The following PBX2 variants were observed in gnomAD, a reference collection of about 807,000 sequenced individuals.
PBX2 encodes pre-B-cell leukemia transcription factor 2.
A neutral mutation model predicts 46.5 loss-of-function variants in PBX2; 10 were observed. The ratio of observed to expected loss-of-function variants is 0.21; its 90% CI spans 0.13 to 0.36. The LOEUF is 0.36. Among genes scored for constraint, PBX2 ranks in the 10% least tolerant of loss-of-function variants. The pLI is 1.00. For missense variants in PBX2, 392 were observed against 580.5 expected, an observed-to-expected ratio of 0.68 and a Z score of 3.34; for synonymous variants, 160 against 222.5, an observed-to-expected ratio of 0.72 and a Z score of 2.50.
In PBX2 at chr6:32,186,750, T is replaced by C; in HGVS notation, c.1114-60A>G. On this transcript the variant is annotated intron_variant, in intron 7 of 8. Transcript: ENST00000375050. This position sits in a 1 kb window ranked among gnomAD's most constrained non-coding sequence, Gnocchi z 4.2. ...GAAGCCTCAGAGGAAAGAGGTCTTG[T>C]ATCCTAAAGTAGAGGAAATGGAGTT... is the stretch of plus-strand genomic sequence containing the variant. 6.3e-7 allele frequency: 1 copy of C among 1,595,216 alleles called. No homozygotes were observed. The highest frequency in any genetic ancestry group is 8.6e-7 in the Non-Finnish European group (1 of 1,162,796).
rs748838264 is a variant in PBX2 at position 32,186,421 on chromosome 6, C to T, written c.1254G>A (p.Thr418=). ...AVTPSSVTSP[T]EGPGSVHSDT... The stretch of plus-strand genomic sequence containing the variant: ...CAGAGTGAACACTCCCTGGTCCCTC[C>T]GTTGGGGATGTCACTGAAGAGGGGG... The change falls in exon 9 of 9, where the codon ACG becomes ACA. Residue 418 remains threonine (T), a synonymous_variant. Transcript: ENST00000375050. This position sits in a 1 kb window ranked among gnomAD's most constrained non-coding sequence, Gnocchi z 4.2. 362 of 1,612,724 alleles carry T rather than the reference C, an allele frequency of 2.2e-4. 1 individual carries two copies. Among genetic ancestry groups the T allele is most frequent in the South Asian group, 5.5e-5 (5 of 91,078 alleles).
At position 32,187,097 on chromosome 6, in the gene PBX2, T is replaced by A. The variant is rs1182095123; in HGVS notation, c.1024+145A>T. On this transcript the variant is annotated intron_variant, in intron 6 of 8. Transcript: ENST00000375050. This position sits in a 1 kb window ranked among gnomAD's most constrained non-coding sequence, Gnocchi z 7.7. ...GAACTAAGATCACTGGAATGGCCTC[T>A]GTCCCCTGACATCTCCAGCCTATCT... The A allele has an allele frequency of 1.3e-5, 15 of 1,135,398 alleles. No individual in the cohort carries two copies. Among genetic ancestry groups the A allele is most frequent in the Non-Finnish European group, 1.8e-5 (14 of 791,544 alleles). The allele number at this position is 1,135,398 out of a possible 1,614,324, so 70.3% of individuals were successfully genotyped here.
Position 32,188,807 on chromosome 6 carries a change from G to A in PBX2, c.222-11C>T, listed in dbSNP as rs764808791. 1.9e-6 allele frequency: 3 copies of A among 1,612,354 alleles called. No individual in the cohort carries two copies. Among genetic ancestry groups the A allele is most frequent in the South Asian group, 2.2e-5 (2 of 91,066 alleles). On this transcript the variant is annotated splice_polypyrimidine_tract_variant and intron_variant, in intron 1 of 8. Coordinates refer to ENST00000375050, the MANE Select transcript of PBX2 (RefSeq NM_002586.5). This position sits in a 1 kb window ranked among gnomAD's most constrained non-coding sequence, Gnocchi z 6.5. ...TTTAGGGCGTGTTTCCTTGGGAGGA[G>A]TGGGAGTGGGGAAAGAGAAAAGTTG...
In PBX2 at chr6:32,185,387, G is replaced by A. The variant is rs1479189282; in HGVS notation, c.*995C>T. Reference sequence around the variant, plus strand: ...AAAGAACACCTAAGGGATTTTAGGGGGCAAAGCTTGGTGCCCTGTAAAATT... The same window carrying A: ...AAAGAACACCTAAGGGATTTTAGGGAGCAAAGCTTGGTGCCCTGTAAAATT... On this transcript the variant is annotated 3_prime_UTR_variant, in exon 9 of 9. Coordinates refer to ENST00000375050, the MANE Select transcript of PBX2 (RefSeq NM_002586.5). 6.6e-6 allele frequency: 1 copy of A among 152,084 alleles called. No homozygotes were observed. Among genetic ancestry groups the A allele is most frequent in the African/African-American group, 2.4e-5 (1 of 41,390 alleles). The allele number at this position is 152,084 out of a possible 1,614,324, so 9.4% of individuals were successfully genotyped here.
At position 32,188,468 on chromosome 6, in the gene PBX2, A is replaced by G; in HGVS notation, c.332T>C (p.Val111Ala). 1 of 1,613,964 alleles carries G rather than the reference A, an allele frequency of 6.2e-7. No homozygotes were observed. The highest frequency in any genetic ancestry group is 8.5e-7 in the Non-Finnish European group (1 of 1,179,988). Residue 111 changes from valine (V) to alanine (A), a missense_variant, in exon 3 of 9, where the codon GTG becomes GCG. Val to Ala is a moderately conservative substitution (Grantham distance 64). Coordinates refer to ENST00000375050, the MANE Select transcript of PBX2 (RefSeq NM_002586.5). The surrounding 1 kb of genome is among the most constrained non-coding windows in gnomAD (Gnocchi z 6.5). ...GTCCAAGCGCATCAGCTGTGGGTCC[A>G]CCGGCTCCTCCTCCTGGGAGCTCCG... The part of the protein sequence containing the change: ...SIRSSQEEEP[V>A]DPQLMRLDNM...
Position 32,187,102 on chromosome 6 carries a change from CCT to C in PBX2, c.1024+138_1024+139del, listed in dbSNP as rs1371092935. ...AAGATCACTGGAATGGCCTCTGTCC[CCT>C]GACATCTCCAGCCTATCTCAGCTCG... On this transcript the variant is annotated intron_variant, in intron 6 of 8. Transcript: ENST00000375050. The surrounding 1 kb of genome is among the most constrained non-coding windows in gnomAD (Gnocchi z 7.7). The C allele has an allele frequency of 8.5e-6, 10 of 1,171,112 alleles. No individual in the cohort carries two copies. The highest frequency in any genetic ancestry group is 1.2e-5 in the Non-Finnish European group (10 of 822,686). 72.5% of individuals were successfully genotyped at this position (1,171,112 alleles called of 1,614,324 possible). A position where few individuals can be genotyped will look rare whatever the true frequency, so the allele number is the denominator to read the frequency against.
At position 32,186,862 on chromosome 6, in the gene PBX2, A is replaced by G. The variant is rs138507194; in HGVS notation, c.1064T>C (p.Met355Thr). 576 of 1,614,004 alleles carry G rather than the reference A, an allele frequency of 3.6e-4. 1 individual carries two copies. Among genetic ancestry groups the G allele is most frequent in the Non-Finnish European group, 4.7e-4 (558 of 1,180,042 alleles). The change falls in exon 7 of 9, where the codon ATG (methionine) becomes ACG (threonine). Residue 355 changes from methionine to threonine, a missense_variant. Met to Thr is a moderately conservative substitution (Grantham distance 81). This residue lies in a region of PBX2 where 116 missense variants were observed against 157.9 expected (regional missense o/e 0.73). Coordinates refer to ENST00000375050, the MANE Select transcript of PBX2 (RefSeq NM_002586.5). The surrounding 1 kb of genome is among the most constrained non-coding windows in gnomAD (Gnocchi z 4.2). ...GTTGAGCCCAGGCATCCCCAGAAAC[A>G]TGTCTCCAGATCCTGAGAGATTGAA... is the stretch of plus-strand genomic sequence containing the variant. ...GSFNLSGSGD[M>T]FLGMPGLNGD...
rs192043106 is a variant in PBX2, at chr6:32,189,417, C to T, written c.221+278G>A. ...CTTAGTCTGGGAGCCAGAGGGGGCT[C>T]CCGGGGATGGGGCTGTTCCAGGAGA... On this transcript the variant is annotated intron_variant, in intron 1 of 8. Coordinates refer to ENST00000375050, the MANE Select transcript of PBX2 (RefSeq NM_002586.5). The surrounding 1 kb of genome is among the most constrained non-coding windows in gnomAD (Gnocchi z 4.7). Among the ~76,000 whole-genome samples, 27 of 152,034 alleles carry T rather than the reference C, an allele frequency of 1.8e-4. No individual in the cohort carries two copies. Among genetic ancestry groups the T allele is most frequent in the African/African-American group, 6.5e-4 (27 of 41,452 alleles).
chr6:32,188,790 G>A lies in PBX2; in HGVS notation c.228C>T (p.His76=), dbSNP rs759159972. Reference sequence around the variant, plus strand: ...GCTTCATTCGGTGGCAGTTTAGGGCGTGTTTCCTTGGGAGGAGTGGGAGTG... The same window carrying A: ...GCTTCATTCGGTGGCAGTTTAGGGCATGTTTCCTTGGGAGGAGTGGGAGTG... The part of the protein sequence containing the change: ...QSLDEAQAKK[H]ALNCHRMKPA... The change falls in exon 2 of 9, where the codon CAC becomes CAT. Residue 76 remains histidine, a synonymous_variant. Transcript: ENST00000375050. The surrounding 1 kb of genome is among the most constrained non-coding windows in gnomAD (Gnocchi z 6.5). 3 of 1,612,850 alleles carry A rather than the reference G, an allele frequency of 1.9e-6. No individual in the cohort carries two copies. The highest frequency in any genetic ancestry group is 2.2e-5 in the South Asian group (2 of 91,082).
At position 32,187,989 on chromosome 6, in the gene PBX2, C is replaced by G; in HGVS notation, c.711G>C (p.Leu237=). The G allele has an allele frequency of 1.9e-6, 3 of 1,570,160 alleles. No individual in the cohort carries two copies. Among genetic ancestry groups the G allele is most frequent in the Non-Finnish European group, 2.6e-6 (3 of 1,155,914 alleles). ...KQSTCEAVMI[L]RSRFLDARRK... is the part of the protein sequence containing the mutation. ...ACCTGGCATCCAGGAAACGGGAGCG[C>G]AGGATCATCACAGCCTCGCAGGTGC... The change falls in exon 4 of 9, where the codon CTG becomes CTC. Residue 237 remains leucine, a synonymous_variant. Transcript: ENST00000375050. The surrounding 1 kb of genome is among the most constrained non-coding windows in gnomAD (Gnocchi z 7.7).
chr6:32,186,699 A>T lies in PBX2; in HGVS notation c.1114-9T>A, dbSNP rs1452083866. On this transcript the variant is annotated splice_polypyrimidine_tract_variant and intron_variant, in intron 7 of 8. Transcript: ENST00000375050. This position sits in a 1 kb window ranked among gnomAD's most constrained non-coding sequence, Gnocchi z 4.2. The stretch of plus-strand genomic sequence containing the variant: ...TGTCGGAGTGATTCCACCTGCAGGC[A>T]GCAGAGGAAGGTATGACAGTGAAGA... 2 of 1,610,180 alleles carry T rather than the reference A, an allele frequency of 1.2e-6. No individual in the cohort carries two copies. The highest frequency in any genetic ancestry group is 1.7e-6 in the Non-Finnish European group (2 of 1,176,420).
chr6:32,189,827 T>G lies in PBX2; in HGVS notation c.89A>C (p.Glu30Ala). The change falls in exon 1 of 9, where the codon GAG becomes GCG. Residue 30 changes from glutamate (E) to alanine (A), a missense_variant. Coordinates refer to ENST00000375050, the MANE Select transcript of PBX2 (RefSeq NM_002586.5). This position sits in a 1 kb window ranked among gnomAD's most constrained non-coding sequence, Gnocchi z 4.7. Reference sequence around the variant, plus strand: ...ACCGGGGTCTCCGCCACCGGGAGGCTCGCCAGGGCCCCCAGGCTCCCCACT... The same window carrying G: ...ACCGGGGTCTCCGCCACCGGGAGGCGCGCCAGGGCCCCCAGGCTCCCCACT... ...LVSGEPGGPG[E>A]PPGGGDPGGG... is the part of the protein sequence containing the mutation. 4 of 1,578,982 alleles carry G rather than the reference T, an allele frequency of 2.5e-6. No individual in the cohort carries two copies. Among genetic ancestry groups the G allele is most frequent in the Non-Finnish European group, 3.4e-6 (4 of 1,162,372 alleles).
rs1269969524 is a variant in PBX2, at chr6:32,188,278, C to T, written c.522G>A (p.Ser174=). The change falls in exon 3 of 9, where the codon TCG becomes TCA. Residue 174 remains serine, a synonymous_variant. Coordinates refer to ENST00000375050, the MANE Select transcript of PBX2 (RefSeq NM_002586.5). The surrounding 1 kb of genome is among the most constrained non-coding windows in gnomAD (Gnocchi z 6.5). ...TTACCTGCTCATACTTCTCCAGCTC[C>T]GAGTGGTATATGTGACGGATCTGGG... ...KLAQIRHIYH[S]ELEKYEQACN... 7 of 1,613,814 alleles carry T rather than the reference C, an allele frequency of 4.3e-6. No homozygotes were observed. Among genetic ancestry groups the T allele is most frequent in the East Asian group, 4.5e-5 (2 of 44,894 alleles).
chr6:32,187,019 C>T lies in PBX2; in HGVS notation c.1025-118G>A, dbSNP rs911096374. 5 of 1,086,874 alleles carry T rather than the reference C, an allele frequency of 4.6e-6. No individual in the cohort carries two copies. Among genetic ancestry groups the T allele is most frequent in the South Asian group, 1.4e-5 (1 of 71,282 alleles). The allele number at this position is 1,086,874 out of a possible 1,614,324, so 67.3% of individuals were successfully genotyped here. A position where few individuals can be genotyped will look rare whatever the true frequency, so the allele number is the denominator to read the frequency against. On this transcript the variant is annotated intron_variant, in intron 6 of 8. Transcript: ENST00000375050. This position sits in a 1 kb window ranked among gnomAD's most constrained non-coding sequence, Gnocchi z 7.7. ...CTCCAATTATCCACAAAATAACATT[C>T]CAACACACAGAAAGAGCAGGCTGTT...
chr6:32,185,446 G>A lies in PBX2; in HGVS notation c.*936C>T, dbSNP rs1786991837. ...GATGGACAGGCCTGGAGCCAGGGGG[G>A]CCTCTTTACCAGTTCTGTTTGTCCC... is the stretch of plus-strand genomic sequence containing the variant. On this transcript the variant is annotated 3_prime_UTR_variant, in exon 9 of 9. Coordinates refer to ENST00000375050, the MANE Select transcript of PBX2 (RefSeq NM_002586.5). 1.3e-5 allele frequency: 2 copies of A among 151,852 alleles called. No homozygotes were observed. The highest frequency in any genetic ancestry group is 1.9e-4 in the East Asian group (1 of 5,166). The allele number at this position is 151,852 out of a possible 1,614,324, so 9.4% of individuals were successfully genotyped here.
At position 32,188,588 on chromosome 6, in the gene PBX2, G is replaced by T; in HGVS notation, c.296-84C>A. 6.3e-7 allele frequency: 1 copy of T among 1,577,814 alleles called. No homozygotes were observed. The highest frequency in any genetic ancestry group is 8.6e-7 in the Non-Finnish European group (1 of 1,158,560). On this transcript the variant is annotated intron_variant, in intron 2 of 8. Transcript: ENST00000375050. This position sits in a 1 kb window ranked among gnomAD's most constrained non-coding sequence, Gnocchi z 6.5. ...CTCCTGGTGCTTCCTGGAGAGCCAAGTTCCCAGGCTTTGGTTCCTTCCCCA... is the reference window on the plus strand; with the variant it reads ...CTCCTGGTGCTTCCTGGAGAGCCAATTTCCCAGGCTTTGGTTCCTTCCCCA...
In PBX2 at chr6:32,186,703, G is replaced by A; in HGVS notation, c.1114-13C>T. 6.2e-7 allele frequency: 1 copy of A among 1,609,728 alleles called. No individual in the cohort carries two copies. The highest frequency in any genetic ancestry group is 1.1e-5 in the South Asian group (1 of 90,996). ...GGAGTGATTCCACCTGCAGGCAGCAGAGGAAGGTATGACAGTGAAGAGAAG... is the reference window on the plus strand; with the variant it reads ...GGAGTGATTCCACCTGCAGGCAGCAAAGGAAGGTATGACAGTGAAGAGAAG... On this transcript the variant is annotated splice_polypyrimidine_tract_variant and intron_variant, in intron 7 of 8. Transcript: ENST00000375050. The surrounding 1 kb of genome is among the most constrained non-coding windows in gnomAD (Gnocchi z 4.2).
Position 32,186,792 on chromosome 6 carries a change from G to C in PBX2, c.1113+21C>G, listed in dbSNP as rs114025084. 13,898 of 1,608,470 alleles carry C rather than the reference G, an allele frequency of 8.6e-3. 70 individuals carry two copies. Among genetic ancestry groups the C allele is most frequent in the Non-Finnish European group, 0.011 (12,793 of 1,174,848 alleles). On this transcript the variant is annotated intron_variant, in intron 7 of 8. Coordinates refer to ENST00000375050, the MANE Select transcript of PBX2 (RefSeq NM_002586.5). The surrounding 1 kb of genome is among the most constrained non-coding windows in gnomAD (Gnocchi z 4.2). Reference sequence around the variant, plus strand: ...AATGGAGTTGGGGAAAGCCCTATTCGAGAGGAGATGGGCATCTGACCTGGG... The same window carrying C: ...AATGGAGTTGGGGAAAGCCCTATTCCAGAGGAGATGGGCATCTGACCTGGG...
In PBX2 at chr6:32,187,862, C is replaced by A. The variant is rs118166466; in HGVS notation, c.735-80G>T. 419 of 1,570,946 alleles carry A rather than the reference C, an allele frequency of 2.7e-4. 7 individuals are homozygous for A. In the East Asian group the frequency reaches 9.0e-3, roughly 34 times the overall value. ...TCACATGGCATGACCCCAGAGTCAC[C>A]ATTGTCATGGAGTACCATGTTGTGC... On this transcript the variant is annotated intron_variant, in intron 4 of 8. Coordinates refer to ENST00000375050, the MANE Select transcript of PBX2 (RefSeq NM_002586.5). The surrounding 1 kb of genome is among the most constrained non-coding windows in gnomAD (Gnocchi z 7.7).
Sources: gnomAD v4.1 joint callset for allele counts (sites outside exome capture counted in the v4.1 genomes callset) on GRCh38, gnomAD v4.1.1 for gene constraint, gnomAD v4.1.1 regional missense constraint, Gnocchi (gnomAD v3.1) non-coding constraint, MANE v1.5 for transcripts, NCBI Gene and HGNC (gene_info 2026-07-23, HGNC 2026-07-21) for gene names.